The following MCU variants were observed in gnomAD, a reference collection of about 807,000 sequenced individuals.
MCU encodes the protein calcium uniporter protein, mitochondrial.
A neutral mutation model predicts 45.2 loss-of-function variants in MCU; 12 were observed. That is an observed-to-expected ratio of 0.27 (90% CI 0.17 to 0.43). The LOEUF (loss-of-function observed/expected upper bound fraction) is 0.43, where lower values mean the gene tolerates loss of function less well. Among genes scored for constraint, MCU ranks in the 20% least tolerant of loss-of-function variants. MCU has a pLI of 1.00. For synonymous variants in MCU, 160 were observed against 165.1 expected, an observed-to-expected ratio of 0.97 and a Z score of 0.24; for missense variants, 324 against 436.7, an observed-to-expected ratio of 0.74 and a Z score of 2.30.
intron 1 of MCU, among the ~76,000 whole-genome samples, chr10:72,746,971 G>T (rs1003670842): frequency 2.6e-5 from 4 of 152,172 alleles, no homozygotes; most frequent in Non-Finnish European, 5.9e-5. Context: ...CAATGAAACT[G>T]TCTGGGCCTT....
chr10:72,722,516 T>C (rs1843037461), intron 1 of MCU, among the ~76,000 whole-genome samples: 1 of 149,436 alleles, frequency 6.7e-6, no homozygotes, highest in Non-Finnish European at 1.5e-5. Flanking sequence ...CTTTTTTCTT[T>C]CTTTCTTTTT....
chr10:72,815,251 T>C (rs1218933685), intron 1 of MCU, among the ~76,000 whole-genome samples: 1 of 152,252 alleles, frequency 6.6e-6, no homozygotes, highest in Non-Finnish European at 1.5e-5. Context: ...AAAACTTTTA[T>C]TTACAAAAAC....
chr10:72,859,095 C>A (rs779126298), intron 2 of MCU, 82 bp from the exon 3 acceptor site: 3 of 1,258,610 alleles, frequency 2.4e-6, no homozygotes, highest in Non-Finnish European at 3.3e-6. Flanking sequence ...AATAATAGAC[C>A]CCCATGCAAG....
chr10:72,705,937 CA>C (rs1842814258), intron 1 of MCU, among the ~76,000 whole-genome samples: 1 of 151,914 alleles, frequency 6.6e-6, no homozygotes, highest in African/African-American at 2.4e-5. Context: ...GAGCCGAGAT[CA>C]AACCACAACA....
At chr10:72,800,681 T>C (rs1844325466) in intron 1 of MCU, among the ~76,000 whole-genome samples, 1 of 152,236 alleles carries the variant, frequency 6.6e-6, no homozygotes, top group South Asian at 2.1e-4. Context: ...GAATACTGAA[T>C]ACAAGAGAGA....
chr10:72,880,275 C>A (rs1481926972), intron 6 of MCU, among the ~76,000 whole-genome samples: 5 of 152,032 alleles, frequency 3.3e-5, no homozygotes, highest in Non-Finnish European at 1.5e-5. Context: ...AGATTTTGTA[C>A]ATGAAAAAAT....
At chr10:72,704,514 G>A (rs1413689181) in intron 1 of MCU, among the ~76,000 whole-genome samples, 2 of 150,666 alleles carry the variant, frequency 1.3e-5, no homozygotes, top group Admixed American at 1.3e-4. Context: ...TTTAAAATTT[G>A]TGATTTTTTT....
At chr10:72,835,001 G>A (rs1844935853) in intron 2 of MCU, among the ~76,000 whole-genome samples, 2 of 152,142 alleles carry the variant, frequency 1.3e-5, no homozygotes, top group African/African-American at 4.8e-5. Flanking sequence ...GATCACAGAA[G>A]CACCATCTTT....
At chr10:72,835,206 A>G (rs1844939046) in intron 2 of MCU, among the ~76,000 whole-genome samples, 1 of 152,182 alleles carries the variant, frequency 6.6e-6, no homozygotes, top group African/African-American at 2.4e-5. Context: ...CTTGGAGACC[A>G]ATGCAATCCT....
rs147493384 is a variant in MCU at position 72,821,349 on chromosome 10, T to C, written c.151-13010T>C. Among the ~76,000 whole-genome samples the C allele has an allele frequency of 2.9e-3, 442 of 152,278 alleles. 3 individuals carry two copies. The highest frequency in any genetic ancestry group is 0.01 in the African/African-American group (417 of 41,556). Reference sequence around the variant, plus strand: ...ATTAAGTAATCAGCAAATTTTAAATTTCATCTGGTGTTTAAATAGTATGAT... The same window carrying C: ...ATTAAGTAATCAGCAAATTTTAAATCTCATCTGGTGTTTAAATAGTATGAT... On this transcript the variant is annotated intron_variant, in intron 1 of 7. Transcript: ENST00000373053.
At chr10:72,720,981 G>A (rs1447200337) in intron 1 of MCU, 1 of 152,828 alleles carries the variant, frequency 6.5e-6, no homozygotes, top group Non-Finnish European at 1.5e-5. Flanking sequence ...CTTAGTAATT[G>A]TTGCTACATA....
At chr10:72,737,267 A>G (rs1316653481) in intron 1 of MCU, among the ~76,000 whole-genome samples, 2 of 152,350 alleles carry the variant, frequency 1.3e-5, no homozygotes, top group Non-Finnish European at 2.9e-5. Flanking sequence ...AGAAACTTTA[A>G]CATTATAGGA....
chr10:72,712,683 C>G (rs772738848), intron 1 of MCU, among the ~76,000 whole-genome samples: 1 of 152,122 alleles, frequency 6.6e-6, no homozygotes, highest in Non-Finnish European at 1.5e-5. Context: ...CTTTTTGAGA[C>G]AGGTAGTTGG....
intron 1 of MCU, among the ~76,000 whole-genome samples, chr10:72,792,991 G>C (rs1462715968): frequency 6.6e-6 from 1 of 151,834 alleles, no homozygotes; most frequent in Non-Finnish European, 1.5e-5. Flanking sequence ...TGATTCTTTT[G>C]CCTCAGCTTC....
intron 2 of MCU, among the ~76,000 whole-genome samples, chr10:72,850,914 G>C (rs1181522120): frequency 6.6e-6 from 1 of 152,140 alleles, no homozygotes; most frequent in Non-Finnish European, 1.5e-5. Context: ...TTTTTATCTA[G>C]GTAATAGTAG....
intron 1 of MCU, among the ~76,000 whole-genome samples, chr10:72,749,853 G>A (rs1044241809): frequency 2.0e-5 from 3 of 151,952 alleles, no homozygotes; most frequent in African/African-American, 4.8e-5. Flanking sequence ...TGCAGCCTCC[G>A]CCTCCCAGGT....
At position 72,858,088 on chromosome 10, in the gene MCU, A is replaced by C. The variant is rs551589672; in HGVS notation, c.221-1089A>C. ...CAGGCTGCAGGGTGGCCATTCTGAC[A>C]GGCTGGGAAGTGTAGCCTCCATTCA... On this transcript the variant is annotated intron_variant, in intron 2 of 7. Transcript: ENST00000373053. 2.0e-5 allele frequency among the ~76,000 whole-genome samples: 3 copies of C among 152,314 alleles called. No homozygotes were observed. The East Asian group carries it at 5.8e-4, about 29-fold the overall frequency.
chr10:72,879,377 C>T (rs768961686), intron 6 of MCU, among the ~76,000 whole-genome samples: 2 of 152,186 alleles, frequency 1.3e-5, no homozygotes, highest in Admixed American at 1.3e-4. Flanking sequence ...AAAAGTTTGC[C>T]TTCAAAGGAG....
At chr10:72,796,293 G>A (rs1844244673) in intron 1 of MCU, among the ~76,000 whole-genome samples, 1 of 151,984 alleles carries the variant, frequency 6.6e-6, no homozygotes, top group African/African-American at 2.4e-5. Flanking sequence ...AGGAAAATTG[G>A]CCAGGTGTGA....
Sources: gnomAD v4.1 joint callset for allele counts (sites outside exome capture counted in the v4.1 genomes callset) on GRCh38, gnomAD v4.1.1 for gene constraint, MANE v1.5 for transcripts, NCBI Gene and HGNC (gene_info 2026-07-23, HGNC 2026-07-21) for gene names.